Variants in STPG2 observed in about 807,000 individuals in gnomAD.
STPG2 encodes sperm tail PG-rich repeat containing 2, also known as sperm-tail PG-rich repeat-containing protein 2.
In STPG2, 56 loss-of-function variants were observed where a neutral mutation model predicts 54.2. That is an observed-to-expected ratio of 1.03 (90% CI 0.83 to 1.29). The LOEUF (loss-of-function observed/expected upper bound fraction) is 1.29, where lower values mean the gene tolerates loss of function less well. Ranked by LOEUF, STPG2 falls within the 50% of genes most tolerant of loss-of-function variation. STPG2 has a pLI of 0.00. For synonymous variants in STPG2, 200 were observed against 181.8 expected (o/e 1.10, Z -0.81); for missense variants, 596 against 544.9 (o/e 1.09, Z -0.93).
intron 8 of STPG2, among the ~76,000 whole-genome samples, chr4:97,879,991 C>G (rs1184156006): frequency 6.6e-6 from 1 of 152,172 alleles, no homozygotes; most frequent in Non-Finnish European, 1.5e-5. Flanking sequence ...GAAGAAATAT[C>G]TGCATGCCCA....
chr4:97,977,751 T>C (rs1307473462), intron 6 of STPG2, among the ~76,000 whole-genome samples: 3 of 152,090 alleles, frequency 2.0e-5, no homozygotes, highest in African/African-American at 7.2e-5. Flanking sequence ...ATGGAATGAG[T>C]AGCAAACAAT....
intron 9 of STPG2, among the ~76,000 whole-genome samples, chr4:97,806,576 C>G (rs917318422): frequency 6.6e-6 from 1 of 151,972 alleles, no homozygotes; most frequent in African/African-American, 2.4e-5. Flanking sequence ...CCACAGACAT[C>G]ACAATCATGC....
chr4:97,882,130 A>C (rs1730399577), intron 8 of STPG2, among the ~76,000 whole-genome samples: 1 of 152,154 alleles, frequency 6.6e-6, no homozygotes, highest in African/African-American at 2.4e-5. Flanking sequence ...AGAAATTTTC[A>C]GTGGGTTGCT....
chr4:97,835,444 C>T (rs752370059), intron 9 of STPG2, among the ~76,000 whole-genome samples: 13 of 152,092 alleles, frequency 8.5e-5, no homozygotes, highest in Non-Finnish European at 1.2e-4. Flanking sequence ...AGTAGCCATT[C>T]TTTATTCCTT....
chr4:98,041,124 G>A (rs545150889), intron 5 of STPG2, among the ~76,000 whole-genome samples: 1 of 151,524 alleles, frequency 6.6e-6, no homozygotes, highest in East Asian at 1.9e-4. Flanking sequence ...TTCTTGATTT[G>A]GTTCTCAGCT....
intron 3 of STPG2, among the ~76,000 whole-genome samples, chr4:98,126,271 A>G (rs1035442826): frequency 6.6e-6 from 1 of 151,964 alleles, no homozygotes; most frequent in African/African-American, 2.4e-5. Context: ...ATGAAAAACA[A>G]CTCCTGCATC....
chr4:98,066,854 A>G (rs1015526611), intron 5 of STPG2, among the ~76,000 whole-genome samples: 1 of 152,146 alleles, frequency 6.6e-6, no homozygotes, highest in African/African-American at 2.4e-5. Context: ...TGACTGCTTT[A>G]TTTATTTACA....
chr4:97,905,491 A>G (rs370933216), intron 8 of STPG2, among the ~76,000 whole-genome samples: 4 of 152,310 alleles, frequency 2.6e-5, no homozygotes, highest in South Asian at 2.1e-4. Context: ...GGTACCAGCC[A>G]CTGCAAAATC....
At position 97,934,746 on chromosome 4, in the gene STPG2, G is replaced by A. The variant is rs556025840; in HGVS notation, c.1044+9151C>T. On this transcript the variant is annotated intron_variant, in intron 8 of 10. Transcript: ENST00000295268. ...TGTGGATAAGCTTTTTGATGTGCTG[G>A]TTTTGGTTTGCCAATATTTTATTGA... 7.0e-4 allele frequency among the ~76,000 whole-genome samples: 107 copies of A among 151,912 alleles called. 1 individual carries two copies. Among genetic ancestry groups the A allele is most frequent in the African/African-American group, 2.5e-3 (102 of 41,492 alleles).
intron 10 of STPG2, among the ~76,000 whole-genome samples, chr4:97,632,547 T>C (rs1278007204): frequency 6.6e-6 from 1 of 152,154 alleles, no homozygotes; most frequent in Non-Finnish European, 1.5e-5. Context: ...GAGTTCTTGC[T>C]CTGAAATGTA....
At chr4:98,030,306 T>C (rs1736555132) in intron 5 of STPG2, among the ~76,000 whole-genome samples, 1 of 152,124 alleles carries the variant, frequency 6.6e-6, no homozygotes, top group East Asian at 1.9e-4. Context: ...CATAGGCAAA[T>C]TACATAGAGA....
At chr4:98,107,003 G>A (rs1023889129) in intron 4 of STPG2, among the ~76,000 whole-genome samples, 2 of 152,042 alleles carry the variant, frequency 1.3e-5, no homozygotes, top group Non-Finnish European at 2.9e-5. Context: ...TCTTTGTTCA[G>A]CAGTGCTATG....
intron 9 of STPG2, among the ~76,000 whole-genome samples, chr4:97,804,851 T>C (rs1355391516): frequency 6.6e-6 from 1 of 152,150 alleles, no homozygotes; most frequent in Non-Finnish European, 1.5e-5. Flanking sequence ...ATACTTGCCA[T>C]TGTGTCACAG....
intron 9 of STPG2, 98 bp from the exon 10 acceptor site, chr4:97,712,912 T>C: frequency 1.4e-6 from 1 of 724,106 alleles, no homozygotes; most frequent in East Asian, 3.0e-5. Flanking sequence ...ATGTATAAAA[T>C]TAGCATGAAA....
At chr4:97,770,758 G>C (rs1726193386) in intron 9 of STPG2, among the ~76,000 whole-genome samples, 1 of 152,184 alleles carries the variant, frequency 6.6e-6, no homozygotes, top group Non-Finnish European at 1.5e-5. Context: ...GAGTACCAGA[G>C]GAACTAAAAC....
chr4:97,472,715 A>T (rs1729967338), intron 4 of STPG2, among the ~76,000 whole-genome samples: 1 of 152,198 alleles, frequency 6.6e-6, no homozygotes, highest in South Asian at 2.1e-4. Flanking sequence ...GGAGCCCTAA[A>T]TGCATGTTAC....
At chr4:97,907,226 G>A (rs1731468088) in intron 8 of STPG2, among the ~76,000 whole-genome samples, 1 of 150,044 alleles carries the variant, frequency 6.7e-6, no homozygotes, top group Non-Finnish European at 1.5e-5. Context: ...ACCAACAACA[G>A]ACAAACAGAG....
At chr4:97,655,341 G>A (rs1237229086) in intron 10 of STPG2, among the ~76,000 whole-genome samples, 2 of 151,986 alleles carry the variant, frequency 1.3e-5, no homozygotes, top group African/African-American at 2.4e-5. Flanking sequence ...GAAATGGTGG[G>A]AAAGGGACTA....
chr4:97,598,032 C>T (rs1450186721), intron 10 of STPG2, among the ~76,000 whole-genome samples: 2 of 151,948 alleles, frequency 1.3e-5, no homozygotes, highest in African/African-American at 4.8e-5. Context: ...AAAAAAACTT[C>T]AGCAGAATTT....
Sources: allele counts gnomAD v4.1 joint callset (sites outside exome capture counted in the v4.1 genomes callset), GRCh38; gene constraint gnomAD v4.1.1; transcripts MANE v1.5; gene names NCBI Gene and HGNC (gene_info 2026-07-23, HGNC 2026-07-21).